The following RIC1 variants were observed in gnomAD, a reference collection of about 807,000 sequenced individuals.
The protein encoded by RIC1 is guanine nucleotide exchange factor subunit RIC1.
RIC1 carries 88 observed loss-of-function variants against 169.0 expected under a neutral mutation model. The observed-to-expected ratio is 0.52, with a 90% confidence interval of 0.44 to 0.62. The LOEUF (loss-of-function observed/expected upper bound fraction) is 0.62. Ranked by LOEUF, RIC1 falls within the 20% of genes least tolerant of loss-of-function variation. The pLI, the probability that RIC1 is intolerant of heterozygous loss-of-function variation, is 0.00. For synonymous variants in RIC1, 790 were observed against 601.5 expected, an observed-to-expected ratio of 1.31 and a Z score of -4.59; for missense variants, 1,877 against 1,725.5, an observed-to-expected ratio of 1.09 and a Z score of -1.56.
chr9:5,697,274 A>G (rs747658499), intron 3 of RIC1, among the ~76,000 whole-genome samples: 1 of 152,152 alleles, frequency 6.6e-6, no homozygotes, highest in Non-Finnish European at 1.5e-5. Context: ...CTCTCACTCT[A>G]CATGATGGAC....
intron 6 of RIC1, among the ~76,000 whole-genome samples, chr9:5,731,441 G>A (rs1254982112): frequency 1.3e-5 from 2 of 152,156 alleles, no homozygotes; most frequent in African/African-American, 4.8e-5. Flanking sequence ...GGAATTAAAT[G>A]AAATCTGTAG....
chr9:5,734,148 C>A (rs945358074), intron 7 of RIC1, among the ~76,000 whole-genome samples: 2 of 149,668 alleles, frequency 1.3e-5, no homozygotes, highest in African/African-American at 4.9e-5. Flanking sequence ...GCTCTGTCGC[C>A]CTGGCTAGAG....
intron 2 of RIC1, among the ~76,000 whole-genome samples, chr9:5,662,093 TG>T (rs1156701344): frequency 6.6e-6 from 1 of 152,252 alleles, no homozygotes; most frequent in Non-Finnish European, 1.5e-5. Flanking sequence ...GATAATCATG[TG>T]GTTTTTGTGT....
intron 17 of RIC1, 27 bp from the exon 18 acceptor site, chr9:5,762,514 A>G: frequency 6.2e-7 from 1 of 1,612,600 alleles, no homozygotes. Flanking sequence ...AGAAGTATGA[A>G]TTTAGCTGCT....
Position 5,718,800 on chromosome 9 carries a change from G to A in RIC1, c.441-1382G>A, listed in dbSNP as rs1274432417. On this transcript the variant is annotated intron_variant, in intron 4 of 25. Transcript: ENST00000414202. ...TTAATTGATTACAAATGGCTGTGAA[G>A]TTCAAGAAATAGAGCTGGGTAAAGA... Among the ~76,000 whole-genome samples the A allele has an allele frequency of 7.2e-5, 11 of 152,258 alleles. No individual in the cohort carries two copies. The East Asian group carries it at 2.1e-3, about 29-fold the overall frequency.
chr9:5,650,493 G>A (rs1818745692), intron 1 of RIC1, among the ~76,000 whole-genome samples: 2 of 152,088 alleles, frequency 1.3e-5, no homozygotes. Flanking sequence ...CATGTCCACT[G>A]TGGCCCTGCT....
chr9:5,720,662 A>G lies in RIC1; in HGVS notation c.632A>G (p.Tyr211Cys). 1 of 1,612,084 alleles carries G rather than the reference A, an allele frequency of 6.2e-7. No homozygotes were observed. The highest frequency in any genetic ancestry group is 8.5e-7 in the Non-Finnish European group (1 of 1,179,044). ...FTDVHIRDME[Y>C]CATLDGFAVV... ...GACGTACACATCAGAGACATGGAAT[A>G]CTGTGCCACACTTGATGGGTTTGCT... The change falls in exon 6 of 26, where the codon TAC becomes TGC. Residue 211 changes from tyrosine (Y) to cysteine (C), a missense_variant. Physicochemically the swap from Tyr to Cys is radical, Grantham distance 194 (BLOSUM62 -2). This residue lies in a region of RIC1 where 1,104 missense variants were observed against 992.0 expected (regional missense o/e 1.11). Transcript: ENST00000414202.
intron 12 of RIC1, among the ~76,000 whole-genome samples, chr9:5,749,306 C>T (rs1166270970): frequency 2.0e-5 from 3 of 152,218 alleles, no homozygotes; most frequent in Non-Finnish European, 4.4e-5. Context: ...CTGTATTTCG[C>T]TGGCACTCCA....
In RIC1 at chr9:5,738,545, C is replaced by CTTTTTTTTTTTTTTTTTTTTTTATTT. The variant is rs74310870; in HGVS notation, c.901+28_901+29insTATTTTTTTTTTTTTTTTTTTTTTTT. Reference sequence around the variant, plus strand: ...ACAGCAAAACAGTATCCTGGTGAGTCTTTTTTTTTTTTTTTTTTTTTAACA... The same window carrying CTTTTTTTTTTTTTTTTTTTTTTATTT: ...ACAGCAAAACAGTATCCTGGTGAGTCTTTTTTTTTTTTTTTTTTTTTTATTTTTTTTTTTTTTTTTTTTTTTTAACA... On this transcript the variant is annotated splice_region_variant and intron_variant, in intron 8 of 25. Coordinates refer to ENST00000414202, the MANE Select transcript of RIC1 (RefSeq NM_020829.4). 1 of 754,512 alleles carries CTTTTTTTTTTTTTTTTTTTTTTATTT rather than the reference C, an allele frequency of 1.3e-6. No individual in the cohort carries two copies. Among genetic ancestry groups the CTTTTTTTTTTTTTTTTTTTTTTATTT allele is most frequent in the Non-Finnish European group, 1.9e-6 (1 of 530,714 alleles). The allele number at this position is 754,512 out of a possible 1,614,324, so 46.7% of individuals were successfully genotyped here.
In RIC1 at chr9:5,738,548, T is replaced by C; in HGVS notation, c.901+10T>C. 15 of 1,128,680 alleles carry C rather than the reference T, an allele frequency of 1.3e-5. No homozygotes were observed. The highest frequency in any genetic ancestry group is 3.5e-5 in the East Asian group (1 of 28,936). 69.9% of individuals were successfully genotyped at this position (1,128,680 alleles called of 1,614,324 possible). A position where few individuals can be genotyped will look rare whatever the true frequency, so the allele number is the denominator to read the frequency against. ...GCAAAACAGTATCCTGGTGAGTCTT[T>C]TTTTTTTTTTTTTTTTTTAACATTT... On this transcript the variant is annotated intron_variant, in intron 8 of 25. Transcript: ENST00000414202.
chr9:5,678,306 A>G (rs897214222), intron 2 of RIC1, among the ~76,000 whole-genome samples: 4 of 152,196 alleles, frequency 2.6e-5, no homozygotes, highest in Admixed American at 2.6e-4. Flanking sequence ...CGCAGTAAAC[A>G]TACGTGTGCA....
chr9:5,666,987 T>A (rs1456376845), intron 2 of RIC1, among the ~76,000 whole-genome samples: 2 of 152,194 alleles, frequency 1.3e-5, no homozygotes, highest in Non-Finnish European at 2.9e-5. Flanking sequence ...CTCCCTTTTT[T>A]CTTAACTTAC....
intron 1 of RIC1, among the ~76,000 whole-genome samples, chr9:5,652,756 G>A (rs1285902359): frequency 6.6e-6 from 1 of 152,024 alleles, no homozygotes; most frequent in African/African-American, 2.4e-5. Context: ...AATAAAAGTG[G>A]TGAAAGATAG....
At chr9:5,708,258 T>A (rs146025049) in intron 3 of RIC1, among the ~76,000 whole-genome samples, 1 of 152,164 alleles carries the variant, frequency 6.6e-6, no homozygotes, top group Non-Finnish European at 1.5e-5. Flanking sequence ...AACATAGATA[T>A]ATAATTACTG....
intron 2 of RIC1, among the ~76,000 whole-genome samples, chr9:5,685,025 T>A (rs910929645): frequency 6.6e-6 from 1 of 152,112 alleles, no homozygotes; most frequent in African/African-American, 2.4e-5. Flanking sequence ...TTGGTTGTGA[T>A]GTTTTTTTTT....
intron 3 of RIC1, among the ~76,000 whole-genome samples, chr9:5,701,992 C>T (rs1197215666): frequency 1.3e-5 from 2 of 152,136 alleles, no homozygotes; most frequent in African/African-American, 2.4e-5. Context: ...AATAAGGCCT[C>T]CAAGGGGACA....
At chr9:5,672,888 T>A (rs1344745371) in intron 2 of RIC1, among the ~76,000 whole-genome samples, 2 of 151,966 alleles carry the variant, frequency 1.3e-5, no homozygotes, top group African/African-American at 4.8e-5. Flanking sequence ...CCTGGAAACT[T>A]AAGGGAACAT....
chr9:5,722,580 A>C (rs921125562), intron 6 of RIC1, among the ~76,000 whole-genome samples: 2 of 151,924 alleles, frequency 1.3e-5, no homozygotes, highest in African/African-American at 4.8e-5. Context: ...TTACTTTTTT[A>C]AGTTCTAGGG....
intron 3 of RIC1, among the ~76,000 whole-genome samples, chr9:5,706,556 C>T (rs940875761): frequency 2.6e-5 from 4 of 152,046 alleles, no homozygotes; most frequent in African/African-American, 9.7e-5. Flanking sequence ...TTGTATAGGT[C>T]ACTAATTAAG....
Sources: allele counts gnomAD v4.1 joint callset (sites outside exome capture counted in the v4.1 genomes callset), GRCh38; gene constraint gnomAD v4.1.1; regional missense constraint gnomAD v4.1.1; transcripts MANE v1.5; gene names NCBI Gene and HGNC (gene_info 2026-07-23, HGNC 2026-07-21).